The following ZFPM2 variants were observed in gnomAD, a reference collection of about 807,000 sequenced individuals.
The protein encoded by ZFPM2 is zinc finger protein ZFPM2.
ZFPM2 carries 20 observed loss-of-function variants against 98.6 expected under a neutral mutation model. The ratio of observed to expected loss-of-function variants is 0.20; its 90% CI spans 0.14 to 0.29. The LOEUF is 0.29. Ranked by LOEUF, ZFPM2 falls within the 10% of genes least tolerant of loss-of-function variation. The pLI is 1.00. For missense variants in ZFPM2, 1,310 were observed against 1,388.6 expected, an observed-to-expected ratio of 0.94 and a Z score of 0.90; for synonymous variants, 518 against 502.7, an observed-to-expected ratio of 1.03 and a Z score of -0.41.
chr8:105,551,741 ACTCATT>A (rs1301202428), intron 3 of ZFPM2, among the ~76,000 whole-genome samples: 2 of 152,078 alleles, frequency 1.3e-5, no homozygotes, highest in Admixed American at 6.6e-5. Flanking sequence ...TCCAGGCAAA[ACTCATT>A]CTAATCACAA....
chr8:105,346,134 C>T (rs1008822490), intron 1 of ZFPM2, among the ~76,000 whole-genome samples: 2 of 152,056 alleles, frequency 1.3e-5, no homozygotes, highest in African/African-American at 4.8e-5. Context: ...ACCTGTAATT[C>T]CAGCACTTTG....
chr8:105,596,739 CTTTT>C (rs910632602), intron 4 of ZFPM2, among the ~76,000 whole-genome samples: 1,095 of 58,912 alleles, frequency 0.019, 14 homozygotes, highest in African/African-American at 0.066. Context: ...CCTTTGTCTG[CTTTT>C]TTTTTTTTTT....
intron 5 of ZFPM2, among the ~76,000 whole-genome samples, chr8:105,762,697 A>G (rs1357745851): frequency 6.6e-6 from 1 of 151,826 alleles, no homozygotes; most frequent in Non-Finnish European, 1.5e-5. Flanking sequence ...ACAATGCTAT[A>G]CCACACACAC....
At chr8:105,531,138 G>A (rs1814289167) in intron 3 of ZFPM2, among the ~76,000 whole-genome samples, 1 of 152,234 alleles carries the variant, frequency 6.6e-6, no homozygotes, top group South Asian at 2.1e-4. Context: ...GCAGCAAGAA[G>A]GTTGGTGAAG....
At chr8:105,743,392 G>C (rs1477488734) in intron 5 of ZFPM2, among the ~76,000 whole-genome samples, 1 of 152,004 alleles carries the variant, frequency 6.6e-6, no homozygotes, top group Non-Finnish European at 1.5e-5. Context: ...TTAAAAAAGA[G>C]AGATAAAGGT....
chr8:105,405,366 G>C (rs1459036045), intron 1 of ZFPM2, among the ~76,000 whole-genome samples: 2 of 151,616 alleles, frequency 1.3e-5, no homozygotes, highest in African/African-American at 4.9e-5. Context: ...TGCCATGTTG[G>C]TGTGCTGCAC....
intron 3 of ZFPM2, among the ~76,000 whole-genome samples, chr8:105,479,885 G>A (rs1434986520): frequency 1.3e-5 from 2 of 151,602 alleles, no homozygotes; most frequent in African/African-American, 4.9e-5. Flanking sequence ...TGTAAAATTC[G>A]ACCAATTTTT....
chr8:105,498,272 A>T (rs1563686367), intron 3 of ZFPM2, among the ~76,000 whole-genome samples: 1 of 152,202 alleles, frequency 6.6e-6, no homozygotes, highest in Non-Finnish European at 1.5e-5. Flanking sequence ...ATTGATATAT[A>T]ACATGTATGT....
chr8:105,532,278 C>T (rs1232687422), intron 3 of ZFPM2, among the ~76,000 whole-genome samples: 1 of 151,876 alleles, frequency 6.6e-6, no homozygotes, highest in Non-Finnish European at 1.5e-5. Flanking sequence ...AAAAGGAGTG[C>T]CTTATTTATA....
intron 5 of ZFPM2, among the ~76,000 whole-genome samples, chr8:105,672,104 G>C (rs577861484): frequency 1.3e-5 from 2 of 151,998 alleles, no homozygotes; most frequent in African/African-American, 2.4e-5. Flanking sequence ...ACAATAGTTG[G>C]TTCTATCTAT....
chr8:105,473,890 A>G (rs1386039531), intron 3 of ZFPM2, among the ~76,000 whole-genome samples: 4 of 152,244 alleles, frequency 2.6e-5, no homozygotes, highest in Non-Finnish European at 5.9e-5. Flanking sequence ...ACATGTGCAA[A>G]CACACTAGTT....
chr8:105,409,805 G>A (rs1811540471), intron 1 of ZFPM2, among the ~76,000 whole-genome samples: 1 of 151,790 alleles, frequency 6.6e-6, no homozygotes, highest in Admixed American at 6.6e-5. Flanking sequence ...TCTGAAATCG[G>A]TAGATCTGGA....
intron 3 of ZFPM2, among the ~76,000 whole-genome samples, chr8:105,478,264 C>T (rs191313751): frequency 5.9e-5 from 9 of 152,278 alleles, no homozygotes; most frequent in South Asian, 2.1e-4. Flanking sequence ...TTCTCATTTA[C>T]TAACATCAAC....
At chr8:105,387,531 G>C (rs547432361) in intron 1 of ZFPM2, 3 of 153,556 alleles carry the variant, frequency 2.0e-5, no homozygotes, top group Admixed American at 6.5e-5. Flanking sequence ...TGGCCCAGGT[G>C]CTAAGCCCCT....
intron 1 of ZFPM2, among the ~76,000 whole-genome samples, chr8:105,400,337 T>C (rs1272354760): frequency 6.6e-6 from 1 of 152,138 alleles, no homozygotes; most frequent in African/African-American, 2.4e-5. Flanking sequence ...TATGTATACA[T>C]GTGCCATGCT....
chr8:105,332,061 C>T (rs1812243295), intron 1 of ZFPM2, among the ~76,000 whole-genome samples: 2 of 151,690 alleles, frequency 1.3e-5, no homozygotes, highest in Non-Finnish European at 3.0e-5. Flanking sequence ...CTTGCAGTCA[C>T]TACATTTTAT....
intron 3 of ZFPM2, among the ~76,000 whole-genome samples, chr8:105,545,611 A>G (rs1195525492): frequency 6.6e-6 from 1 of 152,202 alleles, no homozygotes; most frequent in Non-Finnish European, 1.5e-5. Context: ...TACCATGGGC[A>G]TTATTTTATT....
intron 5 of ZFPM2, among the ~76,000 whole-genome samples, chr8:105,649,057 G>A (rs969483205): frequency 4.6e-5 from 7 of 152,092 alleles, no homozygotes; most frequent in Admixed American, 4.6e-4. Context: ...ATTTCATTGA[G>A]CAGTGGTTTG....
intron 4 of ZFPM2, among the ~76,000 whole-genome samples, chr8:105,588,013 A>G (rs1042381599): frequency 1.1e-4 from 16 of 152,188 alleles, no homozygotes; most frequent in African/African-American, 3.4e-4. Context: ...GGGAAAGTTA[A>G]AGTCTATGTA....
Sources: allele counts gnomAD v4.1 joint callset (sites outside exome capture counted in the v4.1 genomes callset), GRCh38; gene constraint gnomAD v4.1.1; transcripts MANE v1.5; gene names NCBI Gene and HGNC (gene_info 2026-07-23, HGNC 2026-07-21).